RSPH3: variants seen among roughly 807,000 people sequenced by gnomAD.
RSPH3 encodes the protein radial spoke head protein 3 homolog.
RSPH3 carries 21 observed loss-of-function variants against 43.8 expected under a neutral mutation model. The observed-to-expected ratio is 0.48, with a 90% CI of 0.34 to 0.69. The LOEUF (loss-of-function observed/expected upper bound fraction) is 0.69. Ranked by LOEUF, RSPH3 falls within the 30% of genes least tolerant of loss-of-function variation. The pLI is 0.01. For missense variants in RSPH3, 487 were observed against 516.0 expected (o/e 0.94, Z 0.54); for synonymous variants, 173 against 179.8 (o/e 0.96, Z 0.30).
At chr6:158,997,201 T>C (rs1484250332) in intron 1 of RSPH3, among the ~76,000 whole-genome samples, 1 of 151,882 alleles carries the variant, frequency 6.6e-6, no homozygotes, top group Non-Finnish European at 1.5e-5. Flanking sequence ...GATCTCTTTA[T>C]AGACTATCCA....
intron 3 of RSPH3, among the ~76,000 whole-genome samples, chr6:158,984,497 A>G (rs958383411): frequency 7.3e-6 from 1 of 137,252 alleles, no homozygotes. Flanking sequence ...GATAGTAAAC[A>G]TATACAGATT....
rs1165880246 is a variant in RSPH3 at position 158,998,423 on chromosome 6, T to C, written c.116+1012A>G. ...GGTGGAGGTTGCAGTGAGCCGAGAT[T>C]GTGCCACTGCACTCCAGCCTGGGCG... On this transcript the variant is annotated intron_variant, in intron 1 of 7. Transcript: ENST00000367069. Among the ~76,000 whole-genome samples, 9 of 139,742 alleles carry C rather than the reference T, an allele frequency of 6.4e-5. No homozygotes were observed. The East Asian group carries it at 1.7e-3, about 26-fold the overall frequency. The allele number at this position is 139,742 out of a possible 152,430, so 91.7% of individuals were successfully genotyped here. A position where few individuals can be genotyped will look rare whatever the true frequency, so the allele number is the denominator to read the frequency against.
chr6:158,988,018 AG>A (rs530007267), intron 2 of RSPH3, among the ~76,000 whole-genome samples: 77 of 152,212 alleles, frequency 5.1e-4, no homozygotes, highest in Non-Finnish European at 8.7e-4. Flanking sequence ...GCTGTTGTTC[AG>A]GCTGAAGAAT....
intron 1 of RSPH3, among the ~76,000 whole-genome samples, chr6:158,995,133 C>T (rs77774252): frequency 0.018 from 2,708 of 152,202 alleles, 34 homozygotes; most frequent in Middle Eastern, 0.024. Context: ...TCTTCAAGAC[C>T]TCAATTATAA....
In RSPH3 at chr6:158,999,769, C is replaced by T. The variant is rs753412130; in HGVS notation, c.-219G>A. The T allele has an allele frequency of 2.5e-6, 4 of 1,610,854 alleles. No individual in the cohort carries two copies. In the Admixed American group the frequency reaches 6.7e-5, roughly 27 times the overall value. ...CTCCCAGCACCACAGAGACCAGCTG[C>T]GGGGGCCGCATCGGTTGCCCAGCAA... On this transcript the variant is annotated 5_prime_UTR_variant, in exon 1 of 8. Coordinates refer to ENST00000367069, the MANE Select transcript of RSPH3 (RefSeq NM_031924.8).
In RSPH3 at chr6:158,976,179, T is replaced by A. The variant is rs766729072; in HGVS notation, c.*1359A>T. The A allele has an allele frequency of 2.0e-5, 3 of 152,016 alleles. No homozygotes were observed. Among genetic ancestry groups the A allele is most frequent in the Non-Finnish European group, 4.4e-5 (3 of 68,008 alleles). 9.4% of individuals were successfully genotyped at this position (152,016 alleles called of 1,614,324 possible). On this transcript the variant is annotated 3_prime_UTR_variant, in exon 8 of 8. Coordinates refer to ENST00000367069, the MANE Select transcript of RSPH3 (RefSeq NM_031924.8). Reference sequence around the variant, plus strand: ...GCCTGGGTGTCAGAGTGAGACCTTGTCTCCAAAAAATAAAAATAAAAATAA... The same window carrying A: ...GCCTGGGTGTCAGAGTGAGACCTTGACTCCAAAAAATAAAAATAAAAATAA...
At chr6:158,967,542 T>C in the RSPH3 span, among the ~76,000 whole-genome samples, 1 of 152,240 alleles carries the variant, frequency 6.6e-6, no homozygotes, top group African/African-American at 2.4e-5. Flanking sequence ...ATGTTCCATG[T>C]GCACTTGAGA....
At chr6:158,997,452 T>TA (rs1364790321) in intron 1 of RSPH3, among the ~76,000 whole-genome samples, 1 of 151,986 alleles carries the variant, frequency 6.6e-6, no homozygotes, top group Non-Finnish European at 1.5e-5. Flanking sequence ...CCTGAACACT[T>TA]AAAAAATATT....
downstream of RSPH3, among the ~76,000 whole-genome samples, chr6:158,970,580 C>T (rs1777684464): frequency 6.6e-6 from 1 of 151,658 alleles, no homozygotes; most frequent in Non-Finnish European, 1.5e-5. Context: ...GAGTCTCACT[C>T]TGTCACCTGG....
rs1777782133 is a variant in RSPH3, at chr6:158,974,687, G to T, written c.*2851C>A. ...ATTGCAATTAAGCTTAACCAGTTCA[G>T]TGTGGGGTTTATAGATATCTACTTC... On this transcript the variant is annotated 3_prime_UTR_variant, in exon 8 of 8. Coordinates refer to ENST00000367069, the MANE Select transcript of RSPH3 (RefSeq NM_031924.8). 1 of 152,140 alleles carries T rather than the reference G, an allele frequency of 6.6e-6. No individual in the cohort carries two copies. Among genetic ancestry groups the T allele is most frequent in the Non-Finnish European group, 1.5e-5 (1 of 68,018 alleles). The allele number at this position is 152,140 out of a possible 1,614,324, so 9.4% of individuals were successfully genotyped here.
At chr6:158,994,843 G>A (rs1778538805) in intron 1 of RSPH3, among the ~76,000 whole-genome samples, 1 of 151,250 alleles carries the variant, frequency 6.6e-6, no homozygotes, top group Admixed American at 6.6e-5. Context: ...TTCTGAGTGG[G>A]GTATAAGTTG....
chr6:158,998,139 T>G (rs1778661472), intron 1 of RSPH3, among the ~76,000 whole-genome samples: 2 of 146,624 alleles, frequency 1.4e-5, no homozygotes, highest in Admixed American at 1.4e-4. Flanking sequence ...CCGTTTAACT[T>G]TAAGAGAACT....
In RSPH3 at chr6:158,994,078, A is replaced by G; in HGVS notation, c.117-152T>C. On this transcript the variant is annotated intron_variant, in intron 1 of 7. Coordinates refer to ENST00000367069, the MANE Select transcript of RSPH3 (RefSeq NM_031924.8). ...GTCCATAAAATAAGGAGGTAAATGG[A>G]TACAATTTATGTAATGCTTACTATA... is the stretch of plus-strand genomic sequence containing the variant. 3 of 526,066 alleles carry G rather than the reference A, an allele frequency of 5.7e-6. No individual in the cohort carries two copies. In the South Asian group the frequency reaches 8.5e-5, roughly 15 times the overall value. The allele number at this position is 526,066 out of a possible 1,614,324, so 32.6% of individuals were successfully genotyped here.
intron 2 of RSPH3, among the ~76,000 whole-genome samples, chr6:158,990,783 G>A (rs905741710): frequency 3.3e-5 from 5 of 151,254 alleles, no homozygotes; most frequent in Non-Finnish European, 7.4e-5. Flanking sequence ...TTTCAAGCAC[G>A]ATTTCTTCAA....
the RSPH3 span, among the ~76,000 whole-genome samples, chr6:158,963,971 A>G: frequency 6.6e-6 from 1 of 152,238 alleles, no homozygotes; most frequent in Admixed American, 6.5e-5. Flanking sequence ...GTGATATACT[A>G]GAAAGTAAAT....
chr6:158,986,973 T>C (rs1011678190), intron 2 of RSPH3, among the ~76,000 whole-genome samples: 1 of 152,260 alleles, frequency 6.6e-6, no homozygotes, highest in African/African-American at 2.4e-5. Context: ...TATCAGTTAG[T>C]CCTAATAGGT....
intron 3 of RSPH3, among the ~76,000 whole-genome samples, chr6:158,985,915 G>A (rs1778220396): frequency 6.6e-6 from 1 of 151,262 alleles, no homozygotes; most frequent in Admixed American, 6.6e-5. Flanking sequence ...CCGGGTTCAA[G>A]CGATTCTCCT....
chr6:158,995,838 A>G (rs566384140), intron 1 of RSPH3, among the ~76,000 whole-genome samples: 1 of 152,084 alleles, frequency 6.6e-6, no homozygotes, highest in South Asian at 2.1e-4. Context: ...TGACCTCGTG[A>G]TCCGCCCACC....
Position 158,999,925 on chromosome 6 carries a change from G to A in RSPH3, c.-375C>T, listed in dbSNP as rs1019379817. On this transcript the variant is annotated 5_prime_UTR_variant, in exon 1 of 8. Coordinates refer to ENST00000367069, the MANE Select transcript of RSPH3 (RefSeq NM_031924.8). Reference sequence around the variant, plus strand: ...GCGCCACCCAGGTAGGTGCGCCTGCGCTTTGCGAGGTTCCTGGCTAGGGAG... The same window carrying A: ...GCGCCACCCAGGTAGGTGCGCCTGCACTTTGCGAGGTTCCTGGCTAGGGAG... 1 of 1,611,532 alleles carries A rather than the reference G, an allele frequency of 6.2e-7. No homozygotes were observed. The highest frequency in any genetic ancestry group is 8.5e-7 in the Non-Finnish European group (1 of 1,178,892).
Sources: gnomAD v4.1 joint callset for allele counts (sites outside exome capture counted in the v4.1 genomes callset) on GRCh38, gnomAD v4.1.1 for gene constraint, MANE v1.5 for transcripts, NCBI Gene and HGNC (gene_info 2026-07-23, HGNC 2026-07-21) for gene names.